CHFR: variants seen among roughly 807,000 people sequenced by gnomAD.
CHFR encodes E3 ubiquitin-protein ligase CHFR.
CHFR carries 57 observed loss-of-function variants against 87.6 expected under a neutral mutation model. The observed-to-expected ratio is 0.65, with a 90% confidence interval of 0.53 to 0.81. The LOEUF is 0.81. Among genes scored for constraint, CHFR ranks in the 30% least tolerant of loss-of-function variants. CHFR has a pLI of 0.00. For synonymous variants in CHFR, 381 were observed against 359.2 expected (o/e 1.06, Z -0.69); for missense variants, 797 against 865.8 (o/e 0.92, Z 1.00).
At position 132,841,136 on chromosome 12, in the gene CHFR, A is replaced by G. The variant is rs1401470577; in HGVS notation, c.*418T>C. 5.8e-6 allele frequency: 1 copy of G among 172,328 alleles called. No individual in the cohort carries two copies. The highest frequency in any genetic ancestry group is 1.2e-5 in the Non-Finnish European group (1 of 80,466). The allele number at this position is 172,328 out of a possible 1,614,324, so 10.7% of individuals were successfully genotyped here. A position where few individuals can be genotyped will look rare whatever the true frequency, so the allele number is the denominator to read the frequency against. On this transcript the variant is annotated 3_prime_UTR_variant, in exon 18 of 18. Transcript: ENST00000450056. ...ATTGTGTACGTCCTGTAGGCTGTAA[A>G]CTTATGCTCCCTTCTCCTGAAACAA...
At chr12:132,842,368 T>C (rs1420310600) in intron 17 of CHFR, among the ~76,000 whole-genome samples, 2 of 152,244 alleles carry the variant, frequency 1.3e-5, no homozygotes, top group African/African-American at 2.4e-5. Flanking sequence ...GTCTCTTCCA[T>C]GTGCTGTTTG....
At chr12:132,873,220 G>A (rs1189992457) in intron 3 of CHFR, among the ~76,000 whole-genome samples, 2 of 152,208 alleles carry the variant, frequency 1.3e-5, no homozygotes, top group Non-Finnish European at 2.9e-5. Context: ...TGAGGGATGG[G>A]AGTGGCAAAC....
intron 6 of CHFR, chr12:132,862,474 C>T (rs1471710583): frequency 6.8e-6 from 3 of 441,752 alleles, no homozygotes; most frequent in East Asian, 7.3e-5. Context: ...CGTGACAGTA[C>T]GAGCATATGG....
chr12:132,880,082 G>GA (rs886959464), intron 2 of CHFR, among the ~76,000 whole-genome samples: 4 of 152,130 alleles, frequency 2.6e-5, no homozygotes, highest in African/African-American at 7.2e-5. Flanking sequence ...AAAGTTCACA[G>GA]AAAAAACGTG....
chr12:132,885,454 A>T (rs866450722), intron 2 of CHFR, among the ~76,000 whole-genome samples: 51 of 140,196 alleles, frequency 3.6e-4, no homozygotes, highest in African/African-American at 1.3e-3. Context: ...ATAAATAAAT[A>T]AATTTCTGTT....
intron 12 of CHFR, 88 bp downstream of exon 12, chr12:132,851,530 A>C (rs1223108818): frequency 7.3e-7 from 1 of 1,378,100 alleles, no homozygotes; most frequent in Non-Finnish European, 9.6e-7. Flanking sequence ...CTTACTTCAC[A>C]GGTTACCCTA....
Position 132,839,285 on chromosome 12 carries a change from TG to T in CHFR, c.*2268del. The T allele has an allele frequency of 5.6e-6, 1 of 178,468 alleles. No individual in the cohort carries two copies. The highest frequency in any genetic ancestry group is 8.5e-5 in the South Asian group (1 of 11,696). 11.1% of individuals were successfully genotyped at this position (178,468 alleles called of 1,614,324 possible). On this transcript the variant is annotated 3_prime_UTR_variant, in exon 18 of 18. Transcript: ENST00000450056. ...CAGCCTCCCCTCTCAGCCTCGCACC[TG>T]CACAAACTGGCAACCTCCCCTCTCA...
At chr12:132,847,314 G>A in intron 14 of CHFR, 184 bp from the exon 15 acceptor site, 2 of 1,352,610 alleles carry the variant, frequency 1.5e-6, no homozygotes, top group Non-Finnish European at 1.9e-6. Flanking sequence ...TCTTGTCCAA[G>A]AGCCTCCTGG....
At position 132,850,786 on chromosome 12, in the gene CHFR, G is replaced by A. The variant is rs1950922113; in HGVS notation, c.1492+832C>T. On this transcript the variant is annotated intron_variant, in intron 12 of 17. Transcript: ENST00000450056. ...GTGTGTGCGGCAGGAGCCAACCGCG[G>A]TGCTCAACAGGGCTAGGGCTTTCTT... Among the ~76,000 whole-genome samples, 3 of 152,054 alleles carry A rather than the reference G, an allele frequency of 2.0e-5. No homozygotes were observed. In the South Asian group the frequency reaches 6.2e-4, roughly 31 times the overall value.
Position 132,861,995 on chromosome 12 carries a change from G to A in CHFR, c.584-361C>T, listed in dbSNP as rs147759415. On this transcript the variant is annotated intron_variant, in intron 6 of 17. Coordinates refer to ENST00000450056, the MANE Select transcript of CHFR (RefSeq NM_001161346.2). ...ACTTGTTACAACAGAGCTTTGGGCCGGGTGCGGTGGCTCACACCCGTAATC... is the reference window on the plus strand; with the variant it reads ...ACTTGTTACAACAGAGCTTTGGGCCAGGTGCGGTGGCTCACACCCGTAATC... 27 of 215,592 alleles carry A rather than the reference G, an allele frequency of 1.3e-4. No individual in the cohort carries two copies. The East Asian group carries it at 2.8e-3, about 23-fold the overall frequency. The allele number at this position is 215,592 out of a possible 1,614,324, so 13.4% of individuals were successfully genotyped here. A position where few individuals can be genotyped will look rare whatever the true frequency, so the allele number is the denominator to read the frequency against.
chr12:132,879,292 G>A (rs1034629211), intron 2 of CHFR, among the ~76,000 whole-genome samples: 12 of 151,932 alleles, frequency 7.9e-5, no homozygotes, highest in Non-Finnish European at 1.3e-4. Flanking sequence ...ACCGCACCTG[G>A]CCTGCGATAG....
chr12:132,872,797 C>T (rs918541520), intron 3 of CHFR, among the ~76,000 whole-genome samples: 6 of 152,332 alleles, frequency 3.9e-5, no homozygotes, highest in Admixed American at 3.9e-4. Flanking sequence ...TGAACTCATG[C>T]CTCCAATGAG....
intron 5 of CHFR, among the ~76,000 whole-genome samples, chr12:132,870,220 C>T (rs1470010363): frequency 9.2e-5 from 14 of 152,036 alleles, no homozygotes; most frequent in Admixed American, 2.0e-4. Flanking sequence ...GGCATGGTAG[C>T]GACTGCCTGT....
At chr12:132,846,517 G>A (rs935366058) in intron 15 of CHFR, among the ~76,000 whole-genome samples, 35 of 151,072 alleles carry the variant, frequency 2.3e-4, no homozygotes, top group African/African-American at 8.0e-4. Context: ...TGATCCGCCC[G>A]CCTCAGCCTC....
intron 7 of CHFR, among the ~76,000 whole-genome samples, chr12:132,860,617 T>C (rs1244184785): frequency 6.6e-6 from 1 of 152,248 alleles, no homozygotes; most frequent in Non-Finnish European, 1.5e-5. Flanking sequence ...GCTTCTACCA[T>C]AACATTCCCA....
Position 132,857,596 on chromosome 12 carries a change from A to G in CHFR, c.912-37T>C, listed in dbSNP as rs201192402. 1.5e-3 allele frequency: 2,397 copies of G among 1,602,776 alleles called. 2 individuals carry two copies. Among genetic ancestry groups the G allele is most frequent in the Non-Finnish European group, 1.9e-3 (2,273 of 1,173,364 alleles). On this transcript the variant is annotated intron_variant, in intron 8 of 17. Coordinates refer to ENST00000450056, the MANE Select transcript of CHFR (RefSeq NM_001161346.2). ...AGAGGAACAGTGTCCAGACAGTCCC[A>G]CAGATGCAACCGCGACCCTCGACCA...
At position 132,872,392 on chromosome 12, in the gene CHFR, G is replaced by A. The variant is rs1405603798; in HGVS notation, c.236C>T (p.Thr79Ile). 1.1e-5 allele frequency: 18 copies of A among 1,607,258 alleles called. No homozygotes were observed. Among genetic ancestry groups the A allele is most frequent in the Non-Finnish European group, 1.5e-5 (18 of 1,174,858 alleles). ...CAGCTTGTTAATCACTGTTCCACTG[G>A]TGCTGTAAAAAAACAAAAACACAAT... ...SGQVTLEDTS[T>I]SGTVINKLKV... Residue 79 changes from threonine to isoleucine, a missense_variant and splice_region_variant, in exon 4 of 18, where the codon ACC becomes ATC. This residue lies in a region of CHFR where 597 missense variants were observed against 601.2 expected (regional missense o/e 0.99). Coordinates refer to ENST00000450056, the MANE Select transcript of CHFR (RefSeq NM_001161346.2).
chr12:132,860,131 C>T (rs1046211706), intron 7 of CHFR, among the ~76,000 whole-genome samples: 6 of 152,188 alleles, frequency 3.9e-5, no homozygotes, highest in Non-Finnish European at 5.9e-5. Flanking sequence ...TTTCCCTCCT[C>T]GGAGGAAAAC....
intron 9 of CHFR, 105 bp from the exon 10 acceptor site, chr12:132,856,735 G>A (rs138326778): frequency 3.2e-5 from 42 of 1,316,236 alleles, no homozygotes; most frequent in Non-Finnish European, 4.3e-5. Flanking sequence ...GGAAGGAGGG[G>A]TCTGGGCGGA....
Sources: allele counts gnomAD v4.1 joint callset (sites outside exome capture counted in the v4.1 genomes callset), GRCh38; gene constraint gnomAD v4.1.1; regional missense constraint gnomAD v4.1.1; transcripts MANE v1.5; gene names NCBI Gene and HGNC (gene_info 2026-07-23, HGNC 2026-07-21).